Variants in TTC29 observed in about 807,000 individuals in gnomAD.
The protein encoded by TTC29 is tetratricopeptide repeat domain 29, also known as tetratricopeptide repeat protein 29.
In TTC29, 49 loss-of-function variants were observed where a neutral mutation model predicts 58.1. That is an observed-to-expected ratio of 0.84 (90% confidence interval 0.67 to 1.07). The LOEUF (loss-of-function observed/expected upper bound fraction) is 1.07, where lower values mean the gene tolerates loss of function less well. TTC29 is among the 50% of genes least tolerant of loss of function. The pLI is 0.00. For synonymous variants in TTC29, 209 were observed against 196.8 expected, an observed-to-expected ratio of 1.06 and a Z score of -0.52; for missense variants, 582 against 555.6, an observed-to-expected ratio of 1.05 and a Z score of -0.48.
chr4:146,735,116 C>G (rs1744620396), intron 11 of TTC29, among the ~76,000 whole-genome samples: 1 of 152,124 alleles, frequency 6.6e-6, no homozygotes, highest in Non-Finnish European at 1.5e-5. Context: ...CTGGGTTGGA[C>G]CTTAATGCTA....
intron 8 of TTC29, among the ~76,000 whole-genome samples, chr4:146,856,642 A>G (rs184864518): frequency 6.6e-6 from 1 of 151,290 alleles, no homozygotes; most frequent in Admixed American, 6.6e-5. Context: ...ATCAAGGTAA[A>G]AAAAGAAACA....
At chr4:146,886,511 T>C (rs959038030) in intron 6 of TTC29, among the ~76,000 whole-genome samples, 8 of 152,130 alleles carry the variant, frequency 5.3e-5, no homozygotes, top group African/African-American at 1.4e-4. Flanking sequence ...GACCCACTGA[T>C]AGAATGGGAT....
At chr4:146,757,200 G>A (rs1302886989) in intron 11 of TTC29, among the ~76,000 whole-genome samples, 3 of 151,042 alleles carry the variant, frequency 2.0e-5, no homozygotes, top group Non-Finnish European at 3.0e-5. Flanking sequence ...GCTGTTGTTC[G>A]GATTTTTTTT....
intron 11 of TTC29, among the ~76,000 whole-genome samples, chr4:146,731,850 A>G (rs1184039001): frequency 6.6e-6 from 1 of 152,182 alleles, no homozygotes. Flanking sequence ...TGGAACCATA[A>G]TGAGAGCATG....
chr4:146,754,632 A>G (rs1261902056), intron 11 of TTC29, among the ~76,000 whole-genome samples: 2 of 152,224 alleles, frequency 1.3e-5, no homozygotes, highest in Admixed American at 1.3e-4. Context: ...AAATCAATCA[A>G]TATGATACAT....
At chr4:146,779,004 G>GAAAAAAAAAAAAAAAAA (rs71592470) in intron 11 of TTC29, among the ~76,000 whole-genome samples, 3 of 79,896 alleles carry the variant, frequency 3.8e-5, no homozygotes, top group Admixed American at 1.6e-4. Flanking sequence ...AAAAAAAAAA[G>GAAAAAAAAAAAAAAAAA]AAAAGAAAAG....
chr4:146,746,647 G>C (rs182208163), intron 11 of TTC29, among the ~76,000 whole-genome samples: 1 of 152,250 alleles, frequency 6.6e-6, no homozygotes, highest in East Asian at 1.9e-4. Context: ...GAATTTGTCT[G>C]TCCCCTCCCC....
intron 10 of TTC29, among the ~76,000 whole-genome samples, chr4:146,814,161 G>A (rs572624669): frequency 7.2e-5 from 11 of 152,248 alleles, no homozygotes; most frequent in African/African-American, 1.4e-4. Context: ...AATAATAAAC[G>A]AGGCAGATAT....
intron 10 of TTC29, among the ~76,000 whole-genome samples, chr4:146,813,552 TTATAA>T (rs1403788586): frequency 9.2e-5 from 14 of 152,348 alleles, no homozygotes; most frequent in Non-Finnish European, 1.9e-4. Flanking sequence ...AATTTTGGTC[TTATAA>T]TATTTTTATT....
At chr4:146,862,727 G>A (rs1345851674) in intron 8 of TTC29, among the ~76,000 whole-genome samples, 1 of 152,144 alleles carries the variant, frequency 6.6e-6, no homozygotes, top group South Asian at 2.1e-4. Context: ...TTTCCCAACT[G>A]CAAAGGCTAC....
intron 4 of TTC29, among the ~76,000 whole-genome samples, chr4:146,927,254 C>T (rs1256947936): frequency 6.6e-6 from 1 of 151,976 alleles, no homozygotes; most frequent in East Asian, 1.9e-4. Flanking sequence ...GTCCTATTAT[C>T]ATTATTTTTT....
chr4:146,831,249 G>T (rs1728135893), intron 9 of TTC29, among the ~76,000 whole-genome samples: 1 of 152,022 alleles, frequency 6.6e-6, no homozygotes, highest in African/African-American at 2.4e-5. Context: ...TACTTTAGTA[G>T]ATGGGAATTC....
At chr4:146,891,109 A>C (rs186783602) in intron 6 of TTC29, among the ~76,000 whole-genome samples, 1 of 152,336 alleles carries the variant, frequency 6.6e-6, no homozygotes, top group Non-Finnish European at 1.5e-5. Context: ...ACTTCCAGGT[A>C]GATGAGTAGA....
Position 146,708,865 on chromosome 4 carries a change from A to G in TTC29, c.1331-1314T>C, listed in dbSNP as rs976201481. Among the ~76,000 whole-genome samples, 39 of 152,026 alleles carry G rather than the reference A, an allele frequency of 2.6e-4. 1 individual carries two copies. Among genetic ancestry groups the G allele is most frequent in the African/African-American group, 8.9e-4 (37 of 41,404 alleles). On this transcript the variant is annotated intron_variant, in intron 11 of 12. Transcript: ENST00000325106. ...ACAGAAATTTGTCTCTTCTCTCAAG[A>G]TACTATCAGCCCAGAAACCCATTTT...
intron 8 of TTC29, among the ~76,000 whole-genome samples, chr4:146,865,478 T>G (rs575674721): frequency 6.6e-6 from 1 of 152,112 alleles, no homozygotes; most frequent in South Asian, 2.1e-4. Flanking sequence ...AGCTAAACCT[T>G]GGGTACTCAT....
chr4:146,765,380 T>G (rs954672236), intron 11 of TTC29, among the ~76,000 whole-genome samples: 1 of 152,122 alleles, frequency 6.6e-6, no homozygotes, highest in Non-Finnish European at 1.5e-5. Flanking sequence ...TAAGGTAACA[T>G]TTAGGCAAAA....
At chr4:146,790,804 G>A (rs1199797271) in intron 11 of TTC29, among the ~76,000 whole-genome samples, 1 of 152,208 alleles carries the variant, frequency 6.6e-6, no homozygotes, top group Non-Finnish European at 1.5e-5. Context: ...AGCAAGGAAT[G>A]GCACCAGGCA....
chr4:146,811,133 T>TTTG (rs893650951), intron 10 of TTC29, among the ~76,000 whole-genome samples: 150 of 152,122 alleles, frequency 9.9e-4, no homozygotes, highest in African/African-American at 3.3e-3. Context: ...AATTCAGGGT[T>TTTG]TTGTTGTTGT....
chr4:146,773,317 C>T (rs181819438), intron 11 of TTC29, among the ~76,000 whole-genome samples: 11 of 152,210 alleles, frequency 7.2e-5, no homozygotes, highest in Non-Finnish European at 1.3e-4. Flanking sequence ...CCAATGCTTC[C>T]AGCTTGTGAC....
Sources: allele counts gnomAD v4.1 joint callset (sites outside exome capture counted in the v4.1 genomes callset), GRCh38; gene constraint gnomAD v4.1.1; transcripts MANE v1.5; gene names NCBI Gene and HGNC (gene_info 2026-07-23, HGNC 2026-07-21).